Variants in POC1B observed in about 807,000 individuals in gnomAD.
The protein encoded by POC1B is POC1 centriolar protein B.
In POC1B, 44 loss-of-function variants were observed where a neutral mutation model predicts 60.6. That is an observed-to-expected ratio of 0.73 (90% CI 0.57 to 0.93). The LOEUF (loss-of-function observed/expected upper bound fraction) is 0.93, where lower values mean the gene tolerates loss of function less well. Among genes scored for constraint, POC1B ranks in the 40% least tolerant of loss-of-function variants. The probability of loss-of-function intolerance (pLI) is 0.00; values close to 1 mark genes in which losing one functional copy is unlikely to be tolerated. For synonymous variants in POC1B, 180 were observed against 198.9 expected (o/e 0.90, Z 0.80); for missense variants, 555 against 572.3 (o/e 0.97, Z 0.31).
intron 7 of POC1B, among the ~76,000 whole-genome samples, chr12:89,468,497 A>G (rs891415459): frequency 1.3e-5 from 2 of 152,230 alleles, no homozygotes; most frequent in African/African-American, 4.8e-5. Context: ...GTATTTTCCC[A>G]AGTAGACTAT....
At chr12:89,437,463 A>G (rs961751312) in intron 10 of POC1B, among the ~76,000 whole-genome samples, 1 of 152,082 alleles carries the variant, frequency 6.6e-6, no homozygotes, top group African/African-American at 2.4e-5. Flanking sequence ...CTTGACTTGT[A>G]CTTTCTGAGC....
chr12:89,482,758 C>T (rs577158282), intron 4 of POC1B, among the ~76,000 whole-genome samples: 1 of 152,198 alleles, frequency 6.6e-6, no homozygotes, highest in African/African-American at 2.4e-5. Context: ...CTAAGTTCAA[C>T]ATCAGAGCAC....
chr12:89,407,252 G>C, the POC1B span, among the ~76,000 whole-genome samples: 1 of 151,354 alleles, frequency 6.6e-6, no homozygotes, highest in Admixed American at 6.6e-5. Flanking sequence ...GAGGGTGGGC[G>C]GATGGAGTCT....
chr12:89,423,413 T>C (rs970120888), intron 11 of POC1B, among the ~76,000 whole-genome samples: 4 of 152,184 alleles, frequency 2.6e-5, no homozygotes, highest in African/African-American at 9.6e-5. Flanking sequence ...GCTGGGATTA[T>C]AGGTGTGAGC....
At chr12:89,522,473 C>A in intron 2 of POC1B, 1 of 350,082 alleles carries the variant, frequency 2.9e-6, no homozygotes, top group East Asian at 4.3e-5. Flanking sequence ...ATAAATCATA[C>A]CTCATTTTAC....
rs77646039 is a variant in POC1B at position 89,448,345 on chromosome 12, A to G, written c.1113+11293T>C. 7.4e-3 allele frequency among the ~76,000 whole-genome samples: 1,128 copies of G among 152,302 alleles called. 9 individuals carry two copies. Among genetic ancestry groups the G allele is most frequent in the African/African-American group, 0.026 (1,060 of 41,552 alleles). On this transcript the variant is annotated intron_variant, in intron 10 of 11. Transcript: ENST00000313546. Reference sequence around the variant, plus strand: ...ACAACAGCAACAAAAGGCCAATTTAAAATAGGATTCACTTTATAAAAATCA... The same window carrying G: ...ACAACAGCAACAAAAGGCCAATTTAGAATAGGATTCACTTTATAAAAATCA...
chr12:89,525,320 G>C, intron 1 of POC1B, 116 bp from the exon 2 acceptor site: 4 of 1,452,030 alleles, frequency 2.8e-6, no homozygotes. Flanking sequence ...CCAGGCGGCG[G>C]CTTGGCTGGG....
At chr12:89,469,911 G>C (rs565315865) in intron 7 of POC1B, among the ~76,000 whole-genome samples, 1 of 150,562 alleles carries the variant, frequency 6.6e-6, no homozygotes, top group Non-Finnish European at 1.5e-5. Context: ...CTCTGTTGCC[G>C]GGCTGGAGTG....
At chr12:89,455,789 G>A (rs756708628) in intron 10 of POC1B, among the ~76,000 whole-genome samples, 2 of 152,070 alleles carry the variant, frequency 1.3e-5, no homozygotes, top group Non-Finnish European at 2.9e-5. Context: ...CAGTTGCCAG[G>A]ATGAAGATGA....
chr12:89,512,859 A>G (rs1870253500), intron 2 of POC1B, among the ~76,000 whole-genome samples: 1 of 152,260 alleles, frequency 6.6e-6, no homozygotes, highest in African/African-American at 2.4e-5. Flanking sequence ...GGTAATATAG[A>G]TGAAAAGTGA....
chr12:89,523,324 A>G (rs752702064), intron 2 of POC1B: 25 of 1,614,086 alleles, frequency 1.5e-5, no homozygotes, highest in Non-Finnish European at 2.0e-5. Flanking sequence ...TCTTTCAGAA[A>G]TATCACCATA....
chr12:89,440,825 C>T (rs1261414923), intron 10 of POC1B, among the ~76,000 whole-genome samples: 2 of 152,226 alleles, frequency 1.3e-5, no homozygotes, highest in African/African-American at 4.8e-5. Context: ...CGGGGCATCG[C>T]CTCACCCAGG....
downstream of POC1B, among the ~76,000 whole-genome samples, chr12:89,416,977 C>T (rs1880375519): frequency 6.6e-6 from 1 of 152,158 alleles, no homozygotes; most frequent in Non-Finnish European, 1.5e-5. Context: ...AAGGTAAAGC[C>T]TATCAACTTA....
At chr12:89,424,332 T>C (rs1880661553) in intron 11 of POC1B, among the ~76,000 whole-genome samples, 1 of 152,242 alleles carries the variant, frequency 6.6e-6, no homozygotes, top group Non-Finnish European at 1.5e-5. Flanking sequence ...TATGTACATT[T>C]TTTAGCTGCT....
the POC1B span, among the ~76,000 whole-genome samples, chr12:89,409,352 T>C: frequency 6.6e-6 from 1 of 152,232 alleles, no homozygotes; most frequent in Non-Finnish European, 1.5e-5. Context: ...GTTAGCCAGT[T>C]TTCCCAACAC....
At chr12:89,467,972 A>G (rs1397985767) in intron 7 of POC1B, among the ~76,000 whole-genome samples, 1 of 152,214 alleles carries the variant, frequency 6.6e-6, no homozygotes, top group East Asian at 1.9e-4. Flanking sequence ...ATGTAAGTTC[A>G]TAAGAATTTC....
chr12:89,425,181 G>A lies in POC1B; in HGVS notation c.1312C>T (p.Gln438Ter), dbSNP rs570958164. 6.2e-7 allele frequency: 1 copy of A among 1,614,008 alleles called. No individual in the cohort carries two copies. The highest frequency in any genetic ancestry group is 2.2e-5 in the East Asian group (1 of 44,898). ...CCCACCTGTGTCAAAACATTGAGTT[G>A]TTCCATAATATGCTCTAAAGCATCA... is the stretch of plus-strand genomic sequence containing the variant. ...VTDALEHIMEQLNVLTQTVSI... is the reference protein window; with the variant it reads ...VTDALEHIME Residue 438 changes from glutamine to a stop codon, truncating the protein, a stop_gained, in exon 11 of 12, where the codon CAA (glutamine) becomes TAA (stop). Coordinates refer to ENST00000313546, the MANE Select transcript of POC1B (RefSeq NM_172240.3). LOFTEE classifies it high-confidence loss of function.
At chr12:89,436,941 A>T (rs1881295000) in intron 10 of POC1B, among the ~76,000 whole-genome samples, 1 of 151,734 alleles carries the variant, frequency 6.6e-6, no homozygotes, top group East Asian at 1.9e-4. Context: ...TCCACACCCA[A>T]CTCCTGTCTC....
downstream of POC1B, among the ~76,000 whole-genome samples, chr12:89,414,768 T>C (rs1880337439): frequency 6.6e-6 from 1 of 152,206 alleles, no homozygotes; most frequent in African/African-American, 2.4e-5. Flanking sequence ...ACTGTTTTTT[T>C]TGTCTCAGCA....
Sources: allele counts gnomAD v4.1 joint callset (sites outside exome capture counted in the v4.1 genomes callset), GRCh38; gene constraint gnomAD v4.1.1; transcripts MANE v1.5; gene names NCBI Gene and HGNC (gene_info 2026-07-23, HGNC 2026-07-21).